The following NGLY1 variants were observed in gnomAD, a reference collection of about 807,000 sequenced individuals.
NGLY1 encodes N-glycanase 1.
In NGLY1, 68 loss-of-function variants were observed where a neutral mutation model predicts 84.6. The ratio of observed to expected loss-of-function variants is 0.80; its 90% CI spans 0.66 to 0.98. The LOEUF (loss-of-function observed/expected upper bound fraction) is 0.98, where lower values mean the gene tolerates loss of function less well. Ranked by LOEUF, NGLY1 falls within the 50% of genes least tolerant of loss-of-function variation. The pLI is 0.00. For synonymous variants in NGLY1, 280 were observed against 275.2 expected (o/e 1.02, Z -0.17); for missense variants, 779 against 770.2 (o/e 1.01, Z -0.14).
chr3:25,760,445 T>C (rs1707253085), intron 3 of NGLY1, among the ~76,000 whole-genome samples: 1 of 152,214 alleles, frequency 6.6e-6, no homozygotes, highest in Non-Finnish European at 1.5e-5. Flanking sequence ...TATGCTGATA[T>C]AAGGACACAA....
intron 10 of NGLY1, among the ~76,000 whole-genome samples, chr3:25,721,776 A>G (rs1481000157): frequency 3.2e-5 from 4 of 126,664 alleles, no homozygotes; most frequent in African/African-American, 5.6e-5. Flanking sequence ...AAAAAAAAAG[A>G]AAAGAAAAAA....
In NGLY1 at chr3:25,732,341, G is replaced by A. The variant is rs1257352057; in HGVS notation, c.1403C>T (p.Ala468Val). The A allele has an allele frequency of 1.2e-6, 2 of 1,613,460 alleles. No homozygotes were observed. The highest frequency in any genetic ancestry group is 1.7e-6 in the Non-Finnish European group (2 of 1,179,616). Residue 468 changes from alanine (A) to valine (V), a missense_variant, in exon 9 of 12, where the codon GCC becomes GTC. Physicochemically the swap from Ala to Val is moderately conservative, Grantham distance 64 (BLOSUM62 0). Coordinates refer to ENST00000280700, the MANE Select transcript of NGLY1 (RefSeq NM_018297.4). ...TACCTGTAGACCCATTTCACCTCGG[G>A]CTACTCTCCAAGCCACTGACCCAGA... The part of the protein sequence containing the change: ...RISGSVAWRV[A>V]RGEMGLQRKE...
chr3:25,747,345 T>A (rs572945178), intron 4 of NGLY1, among the ~76,000 whole-genome samples: 1 of 152,202 alleles, frequency 6.6e-6, no homozygotes, highest in East Asian at 1.9e-4. Flanking sequence ...AACATTCTTA[T>A]TGTACACACA....
chr3:25,778,095 A>G (rs1575665658), intron 2 of NGLY1, among the ~76,000 whole-genome samples: 1 of 152,280 alleles, frequency 6.6e-6, no homozygotes, highest in African/African-American at 2.4e-5. Flanking sequence ...AAAAGATAAC[A>G]CCAAAATATT....
At chr3:25,762,595 A>G (rs1707369766) in intron 3 of NGLY1, among the ~76,000 whole-genome samples, 1 of 152,132 alleles carries the variant, frequency 6.6e-6, no homozygotes, top group African/African-American at 2.4e-5. Context: ...TAGTGTTTAG[A>G]GGCTTTCTGG....
chr3:25,761,958 T>C (rs1294646792), intron 3 of NGLY1, among the ~76,000 whole-genome samples: 1 of 152,204 alleles, frequency 6.6e-6, no homozygotes, highest in African/African-American at 2.4e-5. Context: ...AAAGATTACA[T>C]ACTATAATTC....
chr3:25,785,578 A>G (rs1269598564), upstream of NGLY1, among the ~76,000 whole-genome samples: 2 of 151,518 alleles, frequency 1.3e-5, no homozygotes, highest in African/African-American at 4.9e-5. Flanking sequence ...TCACGCCTGT[A>G]ATCCCAATAC....
intron 6 of NGLY1, chr3:25,736,465 G>T: frequency 7.7e-7 from 1 of 1,301,550 alleles, no homozygotes; most frequent in Non-Finnish European, 1.1e-6. Flanking sequence ...CTATCATGAA[G>T]GAGTTAATGC....
At chr3:25,769,291 G>C (rs192845930) in intron 2 of NGLY1, among the ~76,000 whole-genome samples, 95 of 152,268 alleles carry the variant, frequency 6.2e-4, no homozygotes, top group African/African-American at 2.1e-3. Flanking sequence ...AACTTGAGAG[G>C]TGAAGGCTGC....
chr3:25,767,908 C>G (rs1707668570), intron 2 of NGLY1, among the ~76,000 whole-genome samples: 1 of 66,016 alleles, frequency 1.5e-5, no homozygotes, highest in Non-Finnish European at 5.2e-5. Context: ...AGGTAGGGAG[C>G]TGACCAGCCT....
At chr3:25,775,850 T>G (rs1180072663) in intron 2 of NGLY1, among the ~76,000 whole-genome samples, 1 of 152,230 alleles carries the variant, frequency 6.6e-6, no homozygotes, top group East Asian at 1.9e-4. Context: ...GACAGAATTT[T>G]GAATGTTTCT....
At chr3:25,722,224 AAAT>A (rs1705031750) in intron 10 of NGLY1, among the ~76,000 whole-genome samples, 1 of 151,434 alleles carries the variant, frequency 6.6e-6, no homozygotes, top group African/African-American at 2.4e-5. Context: ...CTAAAAAAAA[AAAT>A]AAAAATAAAA....
chr3:25,741,613 T>C (rs1368930644), intron 4 of NGLY1, among the ~76,000 whole-genome samples: 1 of 152,140 alleles, frequency 6.6e-6, no homozygotes, highest in African/African-American at 2.4e-5. Context: ...AATTTTCTTA[T>C]GTTAAAAATA....
rs557537510 is a variant in NGLY1, at chr3:25,740,429, C to A, written c.659-630G>T. On this transcript the variant is annotated intron_variant, in intron 4 of 11. Coordinates refer to ENST00000280700, the MANE Select transcript of NGLY1 (RefSeq NM_018297.4). ...TTTCCATAAACAGATCTCTCTTGTT[C>A]ATATTCAAGACCATGGTATCTCTGG... Among the ~76,000 whole-genome samples the A allele has an allele frequency of 4.6e-5, 7 of 152,184 alleles. No homozygotes were observed. In the East Asian group the frequency reaches 1.2e-3, roughly 25 times the overall value.
At chr3:25,741,603 A>C (rs1559539005) in intron 4 of NGLY1, among the ~76,000 whole-genome samples, 1 of 152,146 alleles carries the variant, frequency 6.6e-6, no homozygotes, top group African/African-American at 2.4e-5. Context: ...AAAAAAATTA[A>C]ATTTTCTTAT....
At chr3:25,720,290 G>T in intron 10 of NGLY1, 99 bp from the exon 11 acceptor site, 1 of 855,152 alleles carries the variant, frequency 1.2e-6, no homozygotes, top group Non-Finnish European at 1.7e-6. Flanking sequence ...AGGGTAGTAT[G>T]TACAAGTGGT....
In NGLY1 at chr3:25,743,294, C is replaced by T. The variant is rs143958617; in HGVS notation, c.659-3495G>A. 2.0e-3 allele frequency among the ~76,000 whole-genome samples: 298 copies of T among 152,228 alleles called. 1 individual carries two copies. The highest frequency in any genetic ancestry group is 6.8e-3 in the African/African-American group (282 of 41,548). On this transcript the variant is annotated intron_variant, in intron 4 of 11. Coordinates refer to ENST00000280700, the MANE Select transcript of NGLY1 (RefSeq NM_018297.4). Reference sequence around the variant, plus strand: ...AGTTTGTGGTAATTTGTTATAGTAGCCCCAGGAAACTTAAATACCCTCTTC... The same window carrying T: ...AGTTTGTGGTAATTTGTTATAGTAGTCCCAGGAAACTTAAATACCCTCTTC...
intron 1 of NGLY1, chr3:25,789,821 T>C: frequency 6.4e-7 from 1 of 1,550,696 alleles, no homozygotes; most frequent in Non-Finnish European, 8.7e-7. Flanking sequence ...GCATTATCAC[T>C]GCCAAAGAAA....
At chr3:25,789,040 AT>A in intron 1 of NGLY1, among the ~76,000 whole-genome samples, 1 of 152,364 alleles carries the variant, frequency 6.6e-6, no homozygotes, top group East Asian at 1.9e-4. Flanking sequence ...TGAAGATTCT[AT>A]GCTCAACCAT....
Sources: gnomAD v4.1 joint callset for allele counts (sites outside exome capture counted in the v4.1 genomes callset) on GRCh38, gnomAD v4.1.1 for gene constraint, MANE v1.5 for transcripts, NCBI Gene and HGNC (gene_info 2026-07-23, HGNC 2026-07-21) for gene names.